Variants in TBXT observed in about 807,000 individuals in gnomAD.
TBXT encodes T brachyury transcription factor.
Under a neutral mutation model 41.1 loss-of-function variants are expected in TBXT, and 19 were observed. The ratio of observed to expected loss-of-function variants is 0.46; its 90% CI spans 0.32 to 0.68. The LOEUF (loss-of-function observed/expected upper bound fraction) is 0.68. TBXT is among the 30% of genes least tolerant of loss of function. The pLI, the probability that TBXT is intolerant of heterozygous loss-of-function variation, is 0.03. For missense variants in TBXT, 536 were observed against 582.0 expected (o/e 0.92, Z 0.81); for synonymous variants, 213 against 238.9 (o/e 0.89, Z 1.00).
chr6:166,161,962 T>C (rs924236255), intron 6 of TBXT, among the ~76,000 whole-genome samples: 1 of 152,162 alleles, frequency 6.6e-6, no homozygotes, highest in African/African-American at 2.4e-5. Context: ...CAAGAGCTGC[T>C]GCCTGTCAGT....
intron 3 of TBXT, 54 bp from the exon 4 acceptor site, chr6:166,164,915 T>A: frequency 6.8e-7 from 1 of 1,478,946 alleles, no homozygotes; most frequent in Non-Finnish European, 9.4e-7. Flanking sequence ...CCAGGGGATT[T>A]AATTTGGCAC....
Position 166,158,255 on chromosome 6 carries a change from T to C in TBXT, c.*60A>G. 1 of 1,613,822 alleles carries C rather than the reference T, an allele frequency of 6.2e-7. No homozygotes were observed. Among genetic ancestry groups the C allele is most frequent in the Non-Finnish European group, 8.5e-7 (1 of 1,179,810 alleles). ...CTGGGTACCTAGTAGGTCAATCCAG[T>C]CACCACTGGCTGCCACGACAAAAAG... On this transcript the variant is annotated 3_prime_UTR_variant, in exon 8 of 8. Coordinates refer to ENST00000366876, the MANE Select transcript of TBXT (RefSeq NM_001366285.2).
At chr6:166,158,648 T>C in intron 7 of TBXT, 60 bp from the exon 8 acceptor site, 1 of 1,438,692 alleles carries the variant, frequency 7.0e-7, no homozygotes, top group South Asian at 1.5e-5. Context: ...CAGCTAAGGA[T>C]GGAAAAACAC....
rs370204149 is a variant in TBXT, at chr6:166,167,465, G to T, written c.127C>A (p.Arg43Ser). 4.3e-6 allele frequency: 7 copies of T among 1,612,412 alleles called. No homozygotes were observed. The highest frequency in any genetic ancestry group is 1.3e-5 in the African/African-American group (1 of 74,928). The change falls in exon 1 of 8, where the codon CGC (arginine) becomes AGC (serine). Residue 43 changes from arginine to serine, a missense_variant. Physicochemically the swap from Arg to Ser is moderately radical, Grantham distance 110. Transcript: ENST00000366876. ...AGCTCGCTCTCCTCCAGGCCCACGCGCAGTTCGCGCTCTGTGGGGTCGCCC... is the reference window on the plus strand; with the variant it reads ...AGCTCGCTCTCCTCCAGGCCCACGCTCAGTTCGCGCTCTGTGGGGTCGCCC... ...EKGDPTEREL[R>S]VGLEESELWL...
intron 5 of TBXT, 94 bp from the exon 6 acceptor site, chr6:166,162,717 T>A (rs1778997464): frequency 2.1e-6 from 2 of 974,900 alleles, no homozygotes; most frequent in South Asian, 2.8e-5. Flanking sequence ...CCTCCATCAC[T>A]CCAGAGAGCA....
At chr6:166,158,712 ACAGGT>A in intron 7 of TBXT, 124 bp from the exon 8 acceptor site, 1 of 1,181,808 alleles carries the variant, frequency 8.5e-7, no homozygotes, top group Non-Finnish European at 1.1e-6. Flanking sequence ...CTTCTTTCAA[ACAGGT>A]CATTTTCTCC....
chr6:166,158,613 C>T, intron 7 of TBXT, 25 bp from the exon 8 acceptor site: 1 of 1,487,658 alleles, frequency 6.7e-7, no homozygotes. Flanking sequence ...CACCAGTGAG[C>T]AGGGCCTGGG....
chr6:166,166,362 A>G (rs1779112072), intron 2 of TBXT, among the ~76,000 whole-genome samples: 1 of 152,234 alleles, frequency 6.6e-6, no homozygotes, highest in African/African-American at 2.4e-5. Context: ...GTTCCCCAAA[A>G]GCTCCAGTCC....
At chr6:166,158,622 G>C (rs1582963769) in intron 7 of TBXT, 34 bp from the exon 8 acceptor site, 2 of 1,467,914 alleles carry the variant, frequency 1.4e-6, no homozygotes, top group Middle Eastern at 2.3e-4. Context: ...GCAGGGCCTG[G>C]GCAGGGGCTG....
In TBXT at chr6:166,160,870, A is replaced by C; in HGVS notation, c.1004T>G (p.Val335Gly). 6.2e-7 allele frequency: 1 copy of C among 1,614,128 alleles called. No homozygotes were observed. Among genetic ancestry groups the C allele is most frequent in the Non-Finnish European group, 8.5e-7 (1 of 1,179,996 alleles). Residue 335 changes from valine to glycine, a missense_variant, in exon 7 of 8, where the codon GTG (valine) becomes GGG (glycine). By Grantham distance (109) the Val-to-Gly change is moderately radical. Transcript: ENST00000366876. ...GGTAGGTGGGCTGGCATTGTGGCTC[A>C]CGGGGAGCATGCTGGGATGGGCAGG... Reference protein sequence around the residue: ...GMPAHPSMLPVSHNASPPTSS... With the variant: ...GMPAHPSMLPGSHNASPPTSS...
Position 166,166,166 on chromosome 6 carries a change from C to T in TBXT, c.472-326G>A, listed in dbSNP as rs1346666983. Among the ~76,000 whole-genome samples the T allele has an allele frequency of 3.9e-5, 6 of 152,316 alleles. No homozygotes were observed. In the East Asian group the frequency reaches 1.2e-3, roughly 29 times the overall value. ...AAAGACTGAGCTTGTTTGCAACTTG[C>T]CTAACCTGGGGTCTTCCAGGAACAA... On this transcript the variant is annotated intron_variant, in intron 2 of 7. Coordinates refer to ENST00000366876, the MANE Select transcript of TBXT (RefSeq NM_001366285.2).
intron 1 of TBXT, 68 bp from the exon 2 acceptor site, chr6:166,166,924 G>T: frequency 6.2e-7 from 1 of 1,607,732 alleles, no homozygotes; most frequent in Non-Finnish European, 8.5e-7. Flanking sequence ...CAGAAGCTGG[G>T]CACAGAGGCC....
chr6:166,165,336 G>GC (rs142284993), intron 3 of TBXT, among the ~76,000 whole-genome samples: 26,153 of 151,784 alleles, frequency 0.17, 2,449 homozygotes, highest in Non-Finnish European at 0.21. Context: ...TTGAGGGGTT[G>GC]CCCCCCCACC....
At position 166,157,974 on chromosome 6, in the gene TBXT, G is replaced by T. The variant is rs756117325; in HGVS notation, c.*341C>A. On this transcript the variant is annotated 3_prime_UTR_variant, in exon 8 of 8. Coordinates refer to ENST00000366876, the MANE Select transcript of TBXT (RefSeq NM_001366285.2). ...AGTTTACAAATTCTGGTGTGCCAAA[G>T]TTGCCAATACACTGTATGAGAAATA... 1.2e-5 allele frequency: 5 copies of T among 405,820 alleles called. No homozygotes were observed. The highest frequency in any genetic ancestry group is 2.3e-5 in the Non-Finnish European group (5 of 217,928). The allele number at this position is 405,820 out of a possible 1,614,324, so 25.1% of individuals were successfully genotyped here. A position where few individuals can be genotyped will look rare whatever the true frequency, so the allele number is the denominator to read the frequency against.
intron 2 of TBXT, 81 bp from the exon 3 acceptor site, chr6:166,165,921 A>G: frequency 2.5e-6 from 4 of 1,599,348 alleles, no homozygotes; most frequent in Non-Finnish European, 3.4e-6. Flanking sequence ...CAGGATGCAG[A>G]AAGTCCTCTG....
At position 166,158,460 on chromosome 6, in the gene TBXT, T is replaced by C. The variant is rs139057807; in HGVS notation, c.1166A>G (p.His389Arg). The C allele has an allele frequency of 1.4e-5, 23 of 1,613,824 alleles. No homozygotes were observed. The African/African-American group carries it at 2.4e-4, about 17-fold the overall frequency. ...GSPAHYTPLT[H>R]PVSAPSSSGS... Reference sequence around the variant, plus strand: ...CGAGGAAGAGGGCGCCGAGACCGGATGGGTGAGGGGTGTGTAGTGCGCGGG... The same window carrying C: ...CGAGGAAGAGGGCGCCGAGACCGGACGGGTGAGGGGTGTGTAGTGCGCGGG... Residue 389 changes from histidine to arginine, a missense_variant, in exon 8 of 8, where the codon CAT (histidine) becomes CGT (arginine). By Grantham distance (29) the His-to-Arg change is conservative. Transcript: ENST00000366876.
In TBXT at chr6:166,167,428, A is replaced by T; in HGVS notation, c.164T>A (p.Phe55Tyr). ...GLEESELWLR[F>Y]KELTNEMIVT... ...GATCATCTCATTGGTGAGCTCCTTGAAGCGCAGCCACAGCTCGCTCTCCTC... is the reference window on the plus strand; with the variant it reads ...GATCATCTCATTGGTGAGCTCCTTGTAGCGCAGCCACAGCTCGCTCTCCTC... Residue 55 changes from phenylalanine to tyrosine, a missense_variant, in exon 1 of 8, where the codon TTC becomes TAC. Transcript: ENST00000366876. 6.2e-7 allele frequency: 1 copy of T among 1,613,182 alleles called. No individual in the cohort carries two copies. The highest frequency in any genetic ancestry group is 8.5e-7 in the Non-Finnish European group (1 of 1,179,926).
At chr6:166,164,097 T>G (rs1377055938) in intron 5 of TBXT, among the ~76,000 whole-genome samples, 1 of 152,216 alleles carries the variant, frequency 6.6e-6, no homozygotes, top group Non-Finnish European at 1.5e-5. Flanking sequence ...TCCTCTATCC[T>G]GCACTCTGAC....
At position 166,166,529 on chromosome 6, in the gene TBXT, G is replaced by C; in HGVS notation, c.471+63C>G. 3 of 1,610,338 alleles carry C rather than the reference G, an allele frequency of 1.9e-6. No homozygotes were observed. In the East Asian group the frequency reaches 6.7e-5, roughly 36 times the overall value. ...CAGCGTCCCTTCCCACAACCCCCGT[G>C]CAGAAGGCGCAGCGCGGCCCCCTCC... On this transcript the variant is annotated intron_variant, in intron 2 of 7. Transcript: ENST00000366876.
Sources: gnomAD v4.1 joint callset for allele counts (sites outside exome capture counted in the v4.1 genomes callset) on GRCh38, gnomAD v4.1.1 for gene constraint, MANE v1.5 for transcripts, NCBI Gene and HGNC (gene_info 2026-07-23, HGNC 2026-07-21) for gene names.